The following TMPRSS9 variants were observed in gnomAD, a reference collection of about 807,000 sequenced individuals.
TMPRSS9 encodes the protein transmembrane protease serine 9.
Under a neutral mutation model 111.4 loss-of-function variants are expected in TMPRSS9, and 113 were observed. The ratio of observed to expected loss-of-function variants is 1.01; its 90% CI spans 0.87 to 1.19. The LOEUF is 1.19. Among genes scored for constraint, TMPRSS9 ranks in the 50% most tolerant of loss-of-function variants. The pLI is 0.00. For missense variants in TMPRSS9, 1,803 were observed against 1,513.1 expected (o/e 1.19, Z -3.18); for synonymous variants, 805 against 659.1 (o/e 1.22, Z -3.39).
upstream of TMPRSS9, among the ~76,000 whole-genome samples, chr19:2,389,583 A>G: frequency 6.6e-6 from 1 of 151,098 alleles, no homozygotes; most frequent in Non-Finnish European, 1.5e-5. Flanking sequence ...GGCCGGGCTG[A>G]TCTGGAATTC....
intron 1 of TMPRSS9, among the ~76,000 whole-genome samples, chr19:2,383,851 T>G (rs1387320351): frequency 6.6e-6 from 1 of 151,470 alleles, no homozygotes; most frequent in African/African-American, 2.4e-5. Flanking sequence ...TATCTAAAAA[T>G]TACCTTCACA....
At chr19:2,425,744 T>C (rs1971607555) in intron 17 of TMPRSS9, 183 bp from the exon 19 acceptor site, 1 of 1,155,822 alleles carries the variant, frequency 8.7e-7, no homozygotes. Flanking sequence ...ACCGTTCCAC[T>C]CCGGGACCAC....
intron 1 of TMPRSS9, among the ~76,000 whole-genome samples, chr19:2,376,585 G>A (rs1865123): frequency 0.27 from 40,768 of 151,834 alleles, 5,821 homozygotes; most frequent in Admixed American, 0.39. Flanking sequence ...TCAGCCTCTC[G>A]AGTAGCTGGG....
chr19:2,361,318 TGGTGG>T (rs1268903302), intron 1 of TMPRSS9, among the ~76,000 whole-genome samples: 3 of 70,740 alleles, frequency 4.2e-5, no homozygotes, highest in Non-Finnish European at 8.0e-5. Context: ...TGGGATGGGT[TGGTGG>T]GGTGGGGTGC....
At chr19:2,378,139 CAA>C (rs1490250666) in intron 1 of TMPRSS9, among the ~76,000 whole-genome samples, 1 of 152,110 alleles carries the variant, frequency 6.6e-6, no homozygotes, top group Admixed American at 6.6e-5. Flanking sequence ...CTTGGTTTCC[CAA>C]AGTGTTGGAA....
chr19:2,365,409 G>T (rs1213379237), intron 1 of TMPRSS9, among the ~76,000 whole-genome samples: 2 of 152,100 alleles, frequency 1.3e-5, no homozygotes, highest in African/African-American at 4.8e-5. Context: ...TGATGTTGGG[G>T]CGATGGAGGA....
chr19:2,363,791 T>TGTGTGTGTGCGCGCGCGC (rs1970223905), intron 1 of TMPRSS9, among the ~76,000 whole-genome samples: 2 of 130,614 alleles, frequency 1.5e-5, no homozygotes, highest in African/African-American at 5.8e-5. Context: ...TGTGTGTGAG[T>TGTGTGTGTGCGCGCGCGC]GTGTGTGTGT....
chr19:2,416,721 G>A, exon 12 of TMPRSS9: 2 of 1,613,190 alleles, frequency 1.2e-6, no homozygotes, highest in Non-Finnish European at 1.7e-6. Flanking sequence ...AATACATCCA[G>A]CCTGTCTGCC....
intron 1 of TMPRSS9, among the ~76,000 whole-genome samples, chr19:2,395,877 G>A (rs1198766311): frequency 1.3e-5 from 2 of 151,790 alleles, no homozygotes; most frequent in East Asian, 1.9e-4. Context: ...GCGTGGTCGT[G>A]GGTGCCTGTA....
intron 1 of TMPRSS9, chr19:2,396,282 C>T: frequency 2.4e-6 from 1 of 417,222 alleles, no homozygotes; most frequent in Non-Finnish European, 4.3e-6. Flanking sequence ...ACTCATCCAC[C>T]TTGTGCTGTA....
rs750308189 is a variant in TMPRSS9, at chr19:2,408,336, G to C, written c.843-20G>C. 3 of 1,607,388 alleles carry C rather than the reference G, an allele frequency of 1.9e-6. No homozygotes were observed. The highest frequency in any genetic ancestry group is 1.7e-4 in the Middle Eastern group (1 of 5,796). On this transcript the variant is annotated intron_variant, in intron 7 of 17. Transcript: ENST00000648592. Reference sequence around the variant, plus strand: ...GGCTCTGACCCTCGGTGGCTTCTGAGCTGGGGTTTGCTCCTGCAGGTTCCA... The same window carrying C: ...GGCTCTGACCCTCGGTGGCTTCTGACCTGGGGTTTGCTCCTGCAGGTTCCA...
At chr19:2,424,038 G>A in intron 14 of TMPRSS9, 51 bp from the exon 16 acceptor site, 3 of 1,247,222 alleles carry the variant, frequency 2.4e-6, no homozygotes, top group Non-Finnish European at 2.0e-6. Flanking sequence ...GGGGGCCTTC[G>A]TGGAGGAGGT....
rs555358825 is a variant in TMPRSS9 at position 2,379,174 on chromosome 19, T to G, written c.-25-10587T>G. Among the ~76,000 whole-genome samples the G allele has an allele frequency of 4.3e-5, 6 of 138,662 alleles. No homozygotes were observed. In the South Asian group the frequency reaches 6.7e-4, roughly 16 times the overall value. 91.0% of individuals were successfully genotyped at this position (138,662 alleles called of 152,430 possible). On this transcript the variant is annotated intron_variant, in intron 1 of 17. Coordinates refer to the TMPRSS9 transcript ENST00000649857. The stretch of plus-strand genomic sequence containing the variant: ...TGTGTCCTAAGACAAAGCCTGAGCT[T>G]CTTTCTCTTTTTTTTTTTTTTTTTT...
At chr19:2,375,941 C>T (rs1970330063) in intron 1 of TMPRSS9, among the ~76,000 whole-genome samples, 2 of 152,208 alleles carry the variant, frequency 1.3e-5, no homozygotes, top group South Asian at 2.1e-4. Context: ...TGGGCAGCTC[C>T]CATTTGCAGG....
At chr19:2,400,125 T>C (rs893910413) in intron 4 of TMPRSS9, among the ~76,000 whole-genome samples, 2 of 152,246 alleles carry the variant, frequency 1.3e-5, no homozygotes, top group East Asian at 1.9e-4. Context: ...CATAAATGAA[T>C]AGGTGTGGCT....
chr19:2,384,309 A>G (rs577664066), intron 1 of TMPRSS9, among the ~76,000 whole-genome samples: 1 of 152,302 alleles, frequency 6.6e-6, no homozygotes, highest in Non-Finnish European at 1.5e-5. Flanking sequence ...CTGCAGAGAA[A>G]GGCGTCCCTG....
intron 7 of TMPRSS9, among the ~76,000 whole-genome samples, chr19:2,407,385 G>C (rs1056143007): frequency 3.3e-5 from 5 of 151,584 alleles, no homozygotes; most frequent in Non-Finnish European, 7.4e-5. Context: ...AATTAGTCGG[G>C]CATAGGGGGC....
At chr19:2,410,444 G>T in intron 9 of TMPRSS9, 50 bp downstream of exon 10, 1 of 1,604,000 alleles carries the variant, frequency 6.2e-7, no homozygotes. Flanking sequence ...ATAGACACGA[G>T]CATGTTCAAA....
intron 1 of TMPRSS9, among the ~76,000 whole-genome samples, chr19:2,367,110 C>T (rs1008007784): frequency 3.9e-5 from 6 of 152,062 alleles, no homozygotes; most frequent in Non-Finnish European, 7.4e-5. Flanking sequence ...CCTCAGAAGC[C>T]TAGATCCATT....
Sources: gnomAD v4.1 joint callset for allele counts (sites outside exome capture counted in the v4.1 genomes callset) on GRCh38, gnomAD v4.1.1 for gene constraint, MANE v1.5 for transcripts, NCBI Gene and HGNC (gene_info 2026-07-23, HGNC 2026-07-21) for gene names.